Variants in ALDH1L1 observed in about 807,000 individuals in gnomAD.
The protein encoded by ALDH1L1 is aldehyde dehydrogenase 1 family member L1, also known as cytosolic 10-formyltetrahydrofolate dehydrogenase.
A neutral mutation model predicts 101.1 loss-of-function variants in ALDH1L1; 68 were observed. The ratio of observed to expected loss-of-function variants is 0.67; its 90% confidence interval spans 0.55 to 0.82. ALDH1L1 has a LOEUF of 0.82. Among genes scored for constraint, ALDH1L1 ranks in the 40% least tolerant of loss-of-function variants. The pLI is 0.00. For missense variants in ALDH1L1, 1,087 were observed against 1,172.7 expected (o/e 0.93, Z 1.07); for synonymous variants, 486 against 470.8 (o/e 1.03, Z -0.42).
chr3:126,161,048 A>C, intron 1 of ALDH1L1, 46 bp from the exon 2 acceptor site: 1 of 1,594,594 alleles, frequency 6.3e-7, no homozygotes, highest in Non-Finnish European at 8.5e-7. Context: ...CGCTGGTCTC[A>C]GAGAAGCCAG....
intron 9 of ALDH1L1, among the ~76,000 whole-genome samples, chr3:126,145,423 A>G (rs748363433): frequency 1.2e-4 from 19 of 152,162 alleles, no homozygotes; most frequent in Admixed American, 2.6e-4. Context: ...AACAGCCAAG[A>G]TGTGGAAACA....
At chr3:126,150,131 C>T (rs186988283) in intron 8 of ALDH1L1, among the ~76,000 whole-genome samples, 210 of 152,326 alleles carry the variant, frequency 1.4e-3, no homozygotes, top group African/African-American at 4.9e-3. Flanking sequence ...TTCAAATATT[C>T]CAGGAGCTTC....
Position 126,105,245 on chromosome 3 carries a change from T to C in ALDH1L1, c.2653+481A>G, listed in dbSNP as rs116287601. 9.8e-3 allele frequency: 2,512 copies of C among 255,736 alleles called. 67 individuals are homozygous for C. The highest frequency in any genetic ancestry group is 0.05 in the African/African-American group (2,286 of 45,696). 15.8% of individuals were successfully genotyped at this position (255,736 alleles called of 1,614,324 possible). A position where few individuals can be genotyped will look rare whatever the true frequency, so the allele number is the denominator to read the frequency against. ...AACCTGAGCCCCTGACCATGGCCCA[T>C]GGGCCTTCAATCTGGCCCCTACCTG... is the stretch of plus-strand genomic sequence containing the variant. On this transcript the variant is annotated intron_variant, in intron 22 of 22. Coordinates refer to ENST00000393434, the MANE Select transcript of ALDH1L1 (RefSeq NM_012190.4).
intron 7 of ALDH1L1, chr3:126,152,570 G>GTCCGGCCACGTGTTGCT (rs1185785041): frequency 2.0e-5 from 3 of 152,558 alleles, no homozygotes; most frequent in African/African-American, 7.2e-5. Flanking sequence ...GCCTCACTCT[G>GTCCGGCCACGTGTTGCT]GTAGGCCGGA....
rs532272147 is a variant in ALDH1L1, at chr3:126,122,383, A to C, written c.1888+1981T>G. On this transcript the variant is annotated intron_variant, in intron 16 of 22. Transcript: ENST00000393434. ...TAATTGTATAATTGTGGGGTAACAAATAGAAATCTAACATATTGGACAATA... is the reference window on the plus strand; with the variant it reads ...TAATTGTATAATTGTGGGGTAACAACTAGAAATCTAACATATTGGACAATA... 3.9e-5 allele frequency among the ~76,000 whole-genome samples: 6 copies of C among 152,344 alleles called. No individual in the cohort carries two copies. In the East Asian group the frequency reaches 1.2e-3, roughly 29 times the overall value.
chr3:126,136,758 A>C lies in ALDH1L1; in HGVS notation c.1344+6T>G, dbSNP rs1312785913. 2 of 1,564,730 alleles carry C rather than the reference A, an allele frequency of 1.3e-6. No homozygotes were observed. Among genetic ancestry groups the C allele is most frequent in the Non-Finnish European group, 1.7e-6 (2 of 1,153,910 alleles). On this transcript the variant is annotated splice_donor_region_variant and intron_variant, in intron 11 of 22. Coordinates refer to ENST00000393434, the MANE Select transcript of ALDH1L1 (RefSeq NM_012190.4). ...TGTGGAGAAGGGGTGCTGGGCCTGC[A>C]CTCACACTTCCATCGGTGGGATTGA...
At chr3:126,107,385 G>T in intron 20 of ALDH1L1, 139 bp from the exon 21 acceptor site, 2 of 674,044 alleles carry the variant, frequency 3.0e-6, no homozygotes, top group Non-Finnish European at 5.3e-6. Context: ...CCCGTGTGAT[G>T]GGTGTCACCA....
intron 16 of ALDH1L1, among the ~76,000 whole-genome samples, chr3:126,121,618 A>G (rs988489355): frequency 2.0e-5 from 3 of 152,198 alleles, no homozygotes; most frequent in Non-Finnish European, 4.4e-5. Context: ...GGTGAAGATG[A>G]TCTAAAAACA....
Position 126,135,469 on chromosome 3 carries a change from C to A in ALDH1L1, c.1472+66G>T, listed in dbSNP as rs550167600. 2,138 of 561,240 alleles carry A rather than the reference C, an allele frequency of 3.8e-3. 16 individuals are homozygous for A. In the African/African-American group the frequency reaches 0.049, roughly 13 times the overall value. The allele number at this position is 561,240 out of a possible 1,614,324, so 34.8% of individuals were successfully genotyped here. Reference sequence around the variant, plus strand: ...CAGGTAAAAGGGCCTCCACAGAAGTCCCCCCCGTGCCACTGCCCAGAAGCT... The same window carrying A: ...CAGGTAAAAGGGCCTCCACAGAAGTACCCCCCGTGCCACTGCCCAGAAGCT... On this transcript the variant is annotated intron_variant, in intron 12 of 22. Transcript: ENST00000393434.
intron 17 of ALDH1L1, among the ~76,000 whole-genome samples, chr3:126,117,336 T>C (rs897731466): frequency 6.6e-6 from 1 of 152,024 alleles, no homozygotes; most frequent in African/African-American, 2.4e-5. Flanking sequence ...AATATTATCA[T>C]TTCAACTTGA....
intron 9 of ALDH1L1, among the ~76,000 whole-genome samples, chr3:126,140,900 C>T (rs1186314062): frequency 6.6e-6 from 1 of 151,758 alleles, no homozygotes; most frequent in Non-Finnish European, 1.5e-5. Flanking sequence ...ATTCAGAAAA[C>T]AAATGGCAGA....
intron 11 of ALDH1L1, among the ~76,000 whole-genome samples, chr3:126,136,125 C>T (rs3772415): frequency 0.16 from 25,096 of 152,208 alleles, 2,113 homozygotes; most frequent in East Asian, 0.22. Context: ...TCCCTACCCC[C>T]TCCCTCTCCC....
intron 3 of ALDH1L1, 77 bp from the exon 4 acceptor site, chr3:126,157,585 C>A: frequency 6.7e-7 from 1 of 1,501,902 alleles, no homozygotes; most frequent in Non-Finnish European, 9.0e-7. Flanking sequence ...GCCCGTGGAC[C>A]TGCCACCCTC....
Position 126,103,581 on chromosome 3 carries a change from A to T in ALDH1L1, c.*210T>A. 3 of 598,892 alleles carry T rather than the reference A, an allele frequency of 5.0e-6. No individual in the cohort carries two copies. The highest frequency in any genetic ancestry group is 8.9e-6 in the Non-Finnish European group (3 of 336,872). 37.1% of individuals were successfully genotyped at this position (598,892 alleles called of 1,614,324 possible). On this transcript the variant is annotated 3_prime_UTR_variant, in exon 23 of 23. Transcript: ENST00000393434. ...AGAGATGTGGACGGTCTCTCTTCAGAAGCTTTATTCTCCCTGGGAGGGGCA... is the reference window on the plus strand; with the variant it reads ...AGAGATGTGGACGGTCTCTCTTCAGTAGCTTTATTCTCCCTGGGAGGGGCA...
intron 1 of ALDH1L1, among the ~76,000 whole-genome samples, chr3:126,191,590 G>C (rs1268896591): frequency 6.6e-6 from 1 of 152,212 alleles, no homozygotes; most frequent in African/African-American, 2.4e-5. Flanking sequence ...ATACAATGGT[G>C]AGATGGTTAA....
chr3:126,132,647 C>G (rs927352013), intron 12 of ALDH1L1, among the ~76,000 whole-genome samples: 3 of 152,176 alleles, frequency 2.0e-5, no homozygotes, highest in Admixed American at 2.0e-4. Flanking sequence ...GTTTCAGACA[C>G]GGACTCAATG....
intron 16 of ALDH1L1, among the ~76,000 whole-genome samples, chr3:126,121,674 G>A (rs1342599872): frequency 6.6e-6 from 1 of 152,152 alleles, no homozygotes; most frequent in East Asian, 1.9e-4. Context: ...TACGACAAAT[G>A]GAGAAACATT....
At chr3:126,150,051 G>T (rs2080777640) in intron 8 of ALDH1L1, among the ~76,000 whole-genome samples, 1 of 152,194 alleles carries the variant, frequency 6.6e-6, no homozygotes, top group Admixed American at 6.5e-5. Flanking sequence ...GCTGCCTCTG[G>T]TGCAGCCTTT....
At chr3:126,196,414 T>A (rs2081582452) in intron 1 of ALDH1L1, among the ~76,000 whole-genome samples, 1 of 150,802 alleles carries the variant, frequency 6.6e-6, no homozygotes, top group Non-Finnish European at 1.5e-5. Context: ...ATGGGGTCTC[T>A]GGCACCTCTT....
Sources: allele counts gnomAD v4.1 joint callset (sites outside exome capture counted in the v4.1 genomes callset), GRCh38; gene constraint gnomAD v4.1.1; transcripts MANE v1.5; gene names NCBI Gene and HGNC (gene_info 2026-07-23, HGNC 2026-07-21).